NBEA: variants seen among roughly 807,000 people sequenced by gnomAD.
The protein encoded by NBEA is lysosomal-trafficking regulator 2.
A neutral mutation model predicts 343.4 loss-of-function variants in NBEA; 44 were observed. The observed-to-expected ratio is 0.13, with a 90% CI of 0.10 to 0.16. The LOEUF (loss-of-function observed/expected upper bound fraction) is 0.16. NBEA is among the 10% of genes least tolerant of loss of function. The pLI is 1.00. For synonymous variants in NBEA, 1,175 were observed against 1,238.7 expected (o/e 0.95, Z 1.08); for missense variants, 2,555 against 3,631.3 (o/e 0.70, Z 7.62).
intron 39 of NBEA, among the ~76,000 whole-genome samples, chr13:35,440,624 G>A (rs1003380889): frequency 5.3e-5 from 8 of 152,138 alleles, no homozygotes; most frequent in Non-Finnish European, 1.0e-4. Flanking sequence ...CTAAATGATG[G>A]AACACAGGAT....
intron 47 of NBEA, among the ~76,000 whole-genome samples, chr13:35,599,094 G>A (rs571068560): frequency 2.0e-5 from 3 of 152,174 alleles, no homozygotes; most frequent in Admixed American, 6.6e-5. Context: ...TGCAGAAGAC[G>A]ATGTTAATTT....
At chr13:35,567,057 G>A (rs1593242157) in intron 45 of NBEA, 40 bp downstream of exon 45, 5 of 1,074,744 alleles carry the variant, frequency 4.7e-6, no homozygotes, top group East Asian at 2.4e-5. Flanking sequence ...TCTTCATAAG[G>A]CTATAGTCTA....
chr13:35,107,019 T>TCTA (rs1296594554), intron 11 of NBEA, among the ~76,000 whole-genome samples: 2 of 151,772 alleles, frequency 1.3e-5, no homozygotes, highest in Non-Finnish European at 2.9e-5. Context: ...TATTTTAGAG[T>TCTA]TTTAAGTGTA....
chr13:35,368,121 G>C (rs1264055065), intron 38 of NBEA, among the ~76,000 whole-genome samples: 5 of 151,402 alleles, frequency 3.3e-5, no homozygotes, highest in Non-Finnish European at 1.5e-5. Context: ...CCTATCTGTT[G>C]ATACCTACTT....
intron 53 of NBEA, among the ~76,000 whole-genome samples, chr13:35,653,819 A>G (rs1593482570): frequency 6.6e-6 from 1 of 152,236 alleles, no homozygotes; most frequent in African/African-American, 2.4e-5. Context: ...AGACATTGAC[A>G]ATGAAATATA....
chr13:35,401,370 T>C (rs972895071), intron 38 of NBEA, among the ~76,000 whole-genome samples: 1 of 152,036 alleles, frequency 6.6e-6, no homozygotes, highest in Non-Finnish European at 1.5e-5. Context: ...ACCATCTCCC[T>C]GACAACACAT....
intron 16 of NBEA, among the ~76,000 whole-genome samples, chr13:35,121,271 A>T (rs2152673902): frequency 6.6e-6 from 1 of 151,640 alleles, no homozygotes; most frequent in African/African-American, 2.4e-5. Context: ...CACCTGACTA[A>T]TTTTTTTTGT....
chr13:35,429,506 T>A (rs2044946016), intron 38 of NBEA, among the ~76,000 whole-genome samples: 1 of 152,172 alleles, frequency 6.6e-6, no homozygotes, highest in African/African-American at 2.4e-5. Flanking sequence ...GCTGTTGGCC[T>A]CTTTGCCTCC....
chr13:35,143,255 T>C (rs990133091), intron 18 of NBEA, among the ~76,000 whole-genome samples: 7 of 152,228 alleles, frequency 4.6e-5, no homozygotes, highest in Non-Finnish European at 8.8e-5. Flanking sequence ...ACCGCAGAGT[T>C]AAAGAGTTGT....
intron 34 of NBEA, among the ~76,000 whole-genome samples, chr13:35,254,630 A>T (rs551254262): frequency 9.9e-5 from 15 of 152,098 alleles, no homozygotes; most frequent in Non-Finnish European, 1.6e-4. Context: ...CCTATTTCTT[A>T]CTTTTGATAG....
At chr13:35,083,112 G>A (rs1276001807) in intron 10 of NBEA, among the ~76,000 whole-genome samples, 1 of 152,148 alleles carries the variant, frequency 6.6e-6, no homozygotes, top group East Asian at 1.9e-4. Context: ...GTAAGGAAGG[G>A]ATCCAGTTTC....
chr13:35,085,685 C>A (rs1038746883), intron 10 of NBEA, among the ~76,000 whole-genome samples: 3 of 152,082 alleles, frequency 2.0e-5, no homozygotes, highest in African/African-American at 7.2e-5. Context: ...GACAGAGATA[C>A]CCTCTCTCAC....
intron 35 of NBEA, among the ~76,000 whole-genome samples, chr13:35,308,608 G>GTA (rs527269395): frequency 1.6e-5 from 2 of 122,482 alleles, no homozygotes; most frequent in African/African-American, 6.2e-5. Context: ...ATGTATATAT[G>GTA]TATATATATA....
At chr13:34,958,764 G>A (rs1462538772) in intron 1 of NBEA, among the ~76,000 whole-genome samples, 1 of 152,034 alleles carries the variant, frequency 6.6e-6, no homozygotes. Context: ...TCTAATTTTT[G>A]CAGTCTCATA....
At position 34,976,647 on chromosome 13, in the gene NBEA, G is replaced by GTT. The variant is rs1279170590; in HGVS notation, c.294+33538_294+33539dup. Among the ~76,000 whole-genome samples, 729 of 141,806 alleles carry GTT rather than the reference G, an allele frequency of 5.1e-3. 11 individuals carry two copies. Among genetic ancestry groups the GTT allele is most frequent in the African/African-American group, 0.018 (699 of 37,898 alleles). 93.0% of individuals were successfully genotyped at this position (141,806 alleles called of 152,430 possible). A position where few individuals can be genotyped will look rare whatever the true frequency, so the allele number is the denominator to read the frequency against. ...ATAGATATCTTTTTCTTTTTTCTTT[G>GTT]TTTTTTGTTTTTTTTTTTTTTTCAT... is the stretch of plus-strand genomic sequence containing the variant. On this transcript the variant is annotated intron_variant, in intron 1 of 58. Transcript: ENST00000379939.
chr13:35,581,825 T>C (rs1466784228), intron 45 of NBEA, among the ~76,000 whole-genome samples: 3 of 147,100 alleles, frequency 2.0e-5, no homozygotes, highest in Non-Finnish European at 3.0e-5. Context: ...ATGGCACATG[T>C]ATACATATGT....
At chr13:35,641,769 C>G (rs1013784736) in intron 49 of NBEA, among the ~76,000 whole-genome samples, 1 of 151,994 alleles carries the variant, frequency 6.6e-6, no homozygotes, top group Non-Finnish European at 1.5e-5. Context: ...ATGGAACCTT[C>G]TAGTTCCATT....
At chr13:35,208,226 C>A (rs1473114951) in intron 31 of NBEA, among the ~76,000 whole-genome samples, 1 of 151,966 alleles carries the variant, frequency 6.6e-6, no homozygotes, top group Non-Finnish European at 1.5e-5. Flanking sequence ...CTCAAAAAAA[C>A]AAACAAACAA....
At chr13:35,505,084 A>G (rs144164713) in intron 41 of NBEA, among the ~76,000 whole-genome samples, 1 of 152,244 alleles carries the variant, frequency 6.6e-6, no homozygotes, top group East Asian at 1.9e-4. Context: ...GGCAGAAATC[A>G]GAATTCAAAA....
Sources: gnomAD v4.1 joint callset for allele counts (sites outside exome capture counted in the v4.1 genomes callset) on GRCh38, gnomAD v4.1.1 for gene constraint, MANE v1.5 for transcripts, NCBI Gene and HGNC (gene_info 2026-07-23, HGNC 2026-07-21) for gene names.